Variants in PCDHA2 observed in about 807,000 individuals in gnomAD.
The protein encoded by PCDHA2 is protocadherin alpha-2.
Under a neutral mutation model 66.0 loss-of-function variants are expected in PCDHA2, and 58 were observed. The ratio of observed to expected loss-of-function variants is 0.88; its 90% CI spans 0.71 to 1.09. PCDHA2 has a LOEUF of 1.09. Ranked by LOEUF, PCDHA2 falls within the 50% of genes least tolerant of loss-of-function variation. The pLI is 0.00. For synonymous variants in PCDHA2, 634 were observed against 554.0 expected (o/e 1.14, Z -2.03); for missense variants, 1,267 against 1,242.3 (o/e 1.02, Z -0.30).
Position 140,794,979 on chromosome 5 carries a change from C to G in PCDHA2, c.15C>G (p.Ile5Met), listed in dbSNP as rs1395231181. 4 of 1,610,484 alleles carry G rather than the reference C, an allele frequency of 2.5e-6. No individual in the cohort carries two copies. Among genetic ancestry groups the G allele is most frequent in the Non-Finnish European group, 2.5e-6 (3 of 1,178,406 alleles). ...GAGGATTGGTAATGGCGTCTTCTAT[C>G]AGAAGGGGCCGAGGGGCCTGGACAC... The part of the protein sequence containing the change: MASS[I>M]RRGRGAWTRL... Residue 5 changes from isoleucine to methionine, a missense_variant, in exon 1 of 4, where the codon ATC (isoleucine) becomes ATG (methionine). Transcript: ENST00000526136.
chr5:140,822,940 A>T, intron 1 of PCDHA2: 1 of 1,614,204 alleles, frequency 6.2e-7, no homozygotes, highest in Non-Finnish European at 8.5e-7. Flanking sequence ...CTGCTCCCTA[A>T]TGCCCCACGT....
intron 1 of PCDHA2, chr5:140,871,263 G>T: frequency 6.2e-7 from 1 of 1,614,010 alleles, no homozygotes; most frequent in South Asian, 1.1e-5. Flanking sequence ...ATACGGCGCT[G>T]TGGTGGTCGG....
In PCDHA2 at chr5:140,852,553, G is replaced by A. The variant is rs1414701990; in HGVS notation, c.2388+55201G>A. On this transcript the variant is annotated intron_variant, in intron 1 of 3. Coordinates refer to ENST00000526136, the MANE Select transcript of PCDHA2 (RefSeq NM_018905.3). ...GGCCTCCCAAAGTGCTGGGATTAAA[G>A]CTGTGAGCCACTGTGCCAAGGCTTT... is the stretch of plus-strand genomic sequence containing the variant. 2.0e-5 allele frequency: 13 copies of A among 647,952 alleles called. 1 individual carries two copies. The highest frequency in any genetic ancestry group is 2.2e-5 in the Non-Finnish European group (11 of 508,652). The allele number at this position is 647,952 out of a possible 1,614,324, so 40.1% of individuals were successfully genotyped here.
At chr5:140,896,599 A>G (rs1247154870) in intron 1 of PCDHA2, among the ~76,000 whole-genome samples, 1 of 151,478 alleles carries the variant, frequency 6.6e-6, no homozygotes, top group African/African-American at 2.4e-5. Context: ...CTGGTCTCGA[A>G]CTCCTGGTCT....
At chr5:140,850,834 C>G in intron 1 of PCDHA2, 1 of 1,597,920 alleles carries the variant, frequency 6.3e-7, no homozygotes, top group South Asian at 1.1e-5. Flanking sequence ...TCTCCTTGTG[C>G]TGGATCTACA....
chr5:140,801,268 C>G (rs782368455), intron 1 of PCDHA2: 40 of 1,613,606 alleles, frequency 2.5e-5, no homozygotes, highest in Non-Finnish European at 2.7e-5. Context: ...CTCGCAGCCT[C>G]GGAGGTGGGG....
At chr5:140,913,028 T>C (rs1483903035) in intron 1 of PCDHA2, among the ~76,000 whole-genome samples, 1 of 152,232 alleles carries the variant, frequency 6.6e-6, no homozygotes, top group Non-Finnish European at 1.5e-5. Flanking sequence ...TCAATATTCA[T>C]CAGATATATT....
chr5:140,817,403 G>A (rs543583260), intron 1 of PCDHA2: 1 of 152,224 alleles, frequency 6.6e-6, no homozygotes, highest in Admixed American at 6.5e-5. Context: ...TCCTTGTATT[G>A]TTGTTGAGTT....
intron 1 of PCDHA2, among the ~76,000 whole-genome samples, chr5:140,913,757 T>C (rs577091404): frequency 6.6e-6 from 1 of 152,282 alleles, no homozygotes; most frequent in South Asian, 2.1e-4. Context: ...TTGTATCTCA[T>C]AGGTTTTGGC....
chr5:140,968,234 A>T (rs1426230655), intron 1 of PCDHA2: 1 of 1,613,870 alleles, frequency 6.2e-7, no homozygotes, highest in Non-Finnish European at 8.5e-7. Flanking sequence ...GTTGCTCTGT[A>T]CTGTGCAAGC....
intron 3 of PCDHA2, among the ~76,000 whole-genome samples, chr5:140,998,221 C>G (rs1478098925): frequency 1.3e-5 from 2 of 152,160 alleles, no homozygotes; most frequent in Non-Finnish European, 2.9e-5. Flanking sequence ...TAACCACACC[C>G]AGAAATTTGT....
Position 140,843,107 on chromosome 5 carries a change from G to T in PCDHA2, c.2388+45755G>T, listed in dbSNP as rs1554139748. The T allele has an allele frequency of 5.6e-6, 9 of 1,595,816 alleles. 1 individual carries two copies. Among genetic ancestry groups the T allele is most frequent in the Non-Finnish European group, 6.9e-6 (8 of 1,165,524 alleles). ...GGGCCACGTGGTAGCGAAGGTGCGCGCAGTGGACGCCGACTCGGGCTACAA... is the reference window on the plus strand; with the variant it reads ...GGGCCACGTGGTAGCGAAGGTGCGCTCAGTGGACGCCGACTCGGGCTACAA... On this transcript the variant is annotated intron_variant, in intron 1 of 3. Coordinates refer to ENST00000526136, the MANE Select transcript of PCDHA2 (RefSeq NM_018905.3).
intron 1 of PCDHA2, among the ~76,000 whole-genome samples, chr5:140,911,641 C>A (rs1403591383): frequency 6.6e-6 from 1 of 152,174 alleles, no homozygotes; most frequent in East Asian, 1.9e-4. Flanking sequence ...AAAGGTATTA[C>A]ATATAGAGTT....
chr5:140,974,618 T>C (rs781783540), intron 1 of PCDHA2, among the ~76,000 whole-genome samples: 1 of 152,086 alleles, frequency 6.6e-6, no homozygotes, highest in Non-Finnish European at 1.5e-5. Context: ...TTCAAGCGAT[T>C]CTCCTGCCTC....
At chr5:140,933,928 T>G (rs1055877190) in intron 1 of PCDHA2, among the ~76,000 whole-genome samples, 1 of 152,080 alleles carries the variant, frequency 6.6e-6, no homozygotes, top group Non-Finnish European at 1.5e-5. Flanking sequence ...TGTCCTGTTG[T>G]GACTTTTTTT....
At chr5:140,829,937 A>G (rs1770693047) in intron 1 of PCDHA2, 2 of 1,614,002 alleles carry the variant, frequency 1.2e-6, no homozygotes, top group South Asian at 2.2e-5. Context: ...GCCCCCGGCA[A>G]GCAGCGCTCG....
intron 1 of PCDHA2, among the ~76,000 whole-genome samples, chr5:140,933,323 T>C (rs935740276): frequency 6.6e-6 from 1 of 152,016 alleles, no homozygotes; most frequent in Admixed American, 6.6e-5. Flanking sequence ...CGTATTCTCC[T>C]GTGCTGTAGA....
chr5:140,853,370 G>T lies in PCDHA2; in HGVS notation c.2388+56018G>T, dbSNP rs1365315114. On this transcript the variant is annotated intron_variant, in intron 1 of 3. Coordinates refer to ENST00000526136, the MANE Select transcript of PCDHA2 (RefSeq NM_018905.3). ...CATGAACTCACAGGGATCCAGAGAT[G>T]GTAAAATTCAAAACAGCCTGTCAAG... 3 of 983,178 alleles carry T rather than the reference G, an allele frequency of 3.1e-6. 1 individual carries two copies. The highest frequency in any genetic ancestry group is 3.7e-6 in the Non-Finnish European group (3 of 815,894). The allele number at this position is 983,178 out of a possible 1,614,324, so 60.9% of individuals were successfully genotyped here. A position where few individuals can be genotyped will look rare whatever the true frequency, so the allele number is the denominator to read the frequency against.
chr5:140,932,750 GGAAA>G (rs1554209054), intron 1 of PCDHA2, among the ~76,000 whole-genome samples: 1 of 151,518 alleles, frequency 6.6e-6, no homozygotes, highest in Non-Finnish European at 1.5e-5. Flanking sequence ...TCAGTAAAAA[GGAAA>G]GAAAAAGAAC....
Sources: allele counts gnomAD v4.1 joint callset (sites outside exome capture counted in the v4.1 genomes callset), GRCh38; gene constraint gnomAD v4.1.1; transcripts MANE v1.5; gene names NCBI Gene and HGNC (gene_info 2026-07-23, HGNC 2026-07-21).